The following SKIL variants were observed in gnomAD, a reference collection of about 807,000 sequenced individuals.
SKIL encodes the protein ski-like protein.
In SKIL, 20 loss-of-function variants were observed where a neutral mutation model predicts 69.6. The ratio of observed to expected loss-of-function variants is 0.29; its 90% CI spans 0.20 to 0.42. The LOEUF (loss-of-function observed/expected upper bound fraction) is 0.42, where lower values mean the gene tolerates loss of function less well. Ranked by LOEUF, SKIL falls within the 10% of genes least tolerant of loss-of-function variation. The probability of loss-of-function intolerance (pLI) is 1.00; values close to 1 mark genes in which losing one functional copy is unlikely to be tolerated. For synonymous variants in SKIL, 310 were observed against 279.9 expected (o/e 1.11, Z -1.08); for missense variants, 745 against 783.1 (o/e 0.95, Z 0.58).
intron 2 of SKIL, among the ~76,000 whole-genome samples, chr3:170,378,508 A>G (rs1737148864): frequency 6.7e-6 from 1 of 149,500 alleles, no homozygotes; most frequent in African/African-American, 2.5e-5. Context: ...CAGCTTTGCT[A>G]CTTTCCTAAT....
At chr3:170,367,955 C>A (rs1222912254) in intron 2 of SKIL, among the ~76,000 whole-genome samples, 1 of 152,074 alleles carries the variant, frequency 6.6e-6, no homozygotes, top group Non-Finnish European at 1.5e-5. Flanking sequence ...TTTAATTTTG[C>A]ATTTTCGTTT....
chr3:170,386,372 C>T (rs928445322), intron 4 of SKIL, among the ~76,000 whole-genome samples: 8 of 151,926 alleles, frequency 5.3e-5, no homozygotes, highest in Non-Finnish European at 1.0e-4. Context: ...TCAGGTGATC[C>T]GCCTGCCTCG....
chr3:170,374,683 A>G (rs1411241655), intron 2 of SKIL, among the ~76,000 whole-genome samples: 3 of 152,208 alleles, frequency 2.0e-5, no homozygotes, highest in Non-Finnish European at 4.4e-5. Context: ...TTGTTGTATC[A>G]TAAACATTGT....
In SKIL at chr3:170,361,251, C is replaced by T; in HGVS notation, c.920C>T (p.Ser307Phe). 1 of 1,614,156 alleles carries T rather than the reference C, an allele frequency of 6.2e-7. No homozygotes were observed. The highest frequency in any genetic ancestry group is 8.5e-7 in the Non-Finnish European group (1 of 1,180,032). The change falls in exon 2 of 7, where the codon TCT (serine) becomes TTT (phenylalanine). Residue 307 changes from serine (S) to phenylalanine (F), a missense_variant. Transcript: ENST00000259119. ...MFAPQTFVMH[S>F]HRSPDKRTCH... ...GCACCCCAGACGTTTGTGATGCATT[C>T]TCACAGATCACCTGACAAAAGAACT...
chr3:170,381,652 C>T (rs1171223695), intron 3 of SKIL, among the ~76,000 whole-genome samples: 5 of 151,758 alleles, frequency 3.3e-5, no homozygotes, highest in Admixed American at 2.0e-4. Context: ...AGGCTGGTCT[C>T]GAACTCCTGA....
intron 2 of SKIL, among the ~76,000 whole-genome samples, chr3:170,373,712 CCT>C (rs1736892149): frequency 6.6e-6 from 1 of 151,896 alleles, no homozygotes; most frequent in Non-Finnish European, 1.5e-5. Flanking sequence ...TAGTGCAACC[CCT>C]GTCTCTACAA....
chr3:170,379,127 G>A (rs1284244106), intron 2 of SKIL, among the ~76,000 whole-genome samples: 1 of 151,040 alleles, frequency 6.6e-6, no homozygotes, highest in Admixed American at 6.6e-5. Flanking sequence ...CACCCTTCTC[G>A]TACCACCACG....
intron 1 of SKIL, chr3:170,358,756 A>C (rs1250918701): frequency 6.6e-6 from 1 of 152,098 alleles, no homozygotes; most frequent in African/African-American, 2.4e-5. Flanking sequence ...CTCTTCCTCC[A>C]TTTGCATTCT....
chr3:170,380,774 C>CTG (rs1737304097), intron 2 of SKIL, among the ~76,000 whole-genome samples: 1 of 152,096 alleles, frequency 6.6e-6, no homozygotes, highest in Non-Finnish European at 1.5e-5. Flanking sequence ...GTGGGTGTCT[C>CTG]TGAGTTTCAG....
rs139112574 is a variant in SKIL at position 170,368,608 on chromosome 3, A to G, written c.1098+7179A>G. Among the ~76,000 whole-genome samples the G allele has an allele frequency of 4.4e-3, 668 of 152,312 alleles. 3 individuals are homozygous for G. The highest frequency in any genetic ancestry group is 6.4e-3 in the Non-Finnish European group (437 of 68,018). On this transcript the variant is annotated intron_variant, in intron 2 of 6. Transcript: ENST00000259119. ...ATGTAGGATGGTATTTCAAACTACT[A>G]TTGAAATATTATGTATTTGAGGAGT... is the stretch of plus-strand genomic sequence containing the variant.
At chr3:170,364,183 G>A (rs911379559) in intron 2 of SKIL, among the ~76,000 whole-genome samples, 3 of 151,954 alleles carry the variant, frequency 2.0e-5, no homozygotes, top group African/African-American at 7.2e-5. Context: ...GAACTCCTGA[G>A]CTCAGGCAAT....
chr3:170,359,864 G>C lies in SKIL; in HGVS notation c.-468G>C, dbSNP rs1036924315. 5 of 153,464 alleles carry C rather than the reference G, an allele frequency of 3.3e-5. No individual in the cohort carries two copies. Among genetic ancestry groups the C allele is most frequent in the African/African-American group, 1.2e-4 (5 of 41,376 alleles). 9.5% of individuals were successfully genotyped at this position (153,464 alleles called of 1,614,324 possible). A position where few individuals can be genotyped will look rare whatever the true frequency, so the allele number is the denominator to read the frequency against. On this transcript the variant is annotated 5_prime_UTR_variant, in exon 2 of 7. Coordinates refer to ENST00000259119, the MANE Select transcript of SKIL (RefSeq NM_005414.5). The stretch of plus-strand genomic sequence containing the variant: ...AAATACTCCCTCTGCCCTCCTTTTT[G>C]GTTTCCTTGGTGGTAAAGATTAAAT...
Position 170,360,820 on chromosome 3 carries a change from G to A in SKIL, c.489G>A (p.Lys163=), listed in dbSNP as rs1215462420. 6.2e-7 allele frequency: 1 copy of A among 1,614,214 alleles called. No individual in the cohort carries two copies. The highest frequency in any genetic ancestry group is 2.2e-5 in the East Asian group (1 of 44,886). Residue 163 remains lysine (K), a synonymous_variant, in exon 2 of 7, where the codon AAG becomes AAA. Transcript: ENST00000259119. ...SISCFQVGGE[K]RLCLPQVLNS... is the part of the protein sequence containing the mutation. Reference sequence around the variant, plus strand: ...CTTGTTTTCAAGTTGGAGGAGAAAAGAGACTCTGTTTGCCCCAAGTCTTAA... The same window carrying A: ...CTTGTTTTCAAGTTGGAGGAGAAAAAAGACTCTGTTTGCCCCAAGTCTTAA...
Position 170,360,318 on chromosome 3 carries a change from C to G in SKIL, c.-14C>G. Reference sequence around the variant, plus strand: ...GCTAATCTCAGACTTAATTATTTAACAGAAGAGTGTACCATGGAAAACCTC... The same window carrying G: ...GCTAATCTCAGACTTAATTATTTAAGAGAAGAGTGTACCATGGAAAACCTC... On this transcript the variant is annotated 5_prime_UTR_variant, in exon 2 of 7. Coordinates refer to ENST00000259119, the MANE Select transcript of SKIL (RefSeq NM_005414.5). The G allele has an allele frequency of 6.6e-7, 1 of 1,526,634 alleles. No homozygotes were observed. Among genetic ancestry groups the G allele is most frequent in the Non-Finnish European group, 8.8e-7 (1 of 1,142,154 alleles). The allele number at this position is 1,526,634 out of a possible 1,614,324, so 94.6% of individuals were successfully genotyped here.
In SKIL at chr3:170,361,434, GTTTT is replaced by G; in HGVS notation, c.1098+8_1098+11del. The G allele has an allele frequency of 6.5e-7, 1 of 1,542,194 alleles. No individual in the cohort carries two copies. Among genetic ancestry groups the G allele is most frequent in the Non-Finnish European group, 8.7e-7 (1 of 1,148,638 alleles). On this transcript the variant is annotated splice_donor_region_variant and intron_variant, in intron 2 of 6. Coordinates refer to ENST00000259119, the MANE Select transcript of SKIL (RefSeq NM_005414.5). ...GGAAAGAGAAATCAATCCAAGGCAA[GTTTT>G]TTATATCAATTTTTAATAATGGTAA...
At chr3:170,370,702 T>C (rs1436034467) in intron 2 of SKIL, among the ~76,000 whole-genome samples, 2 of 152,156 alleles carry the variant, frequency 1.3e-5, no homozygotes, top group East Asian at 3.8e-4. Context: ...TTTGCATTTT[T>C]TATGGGAACA....
At chr3:170,371,022 A>T (rs1469338390) in intron 2 of SKIL, among the ~76,000 whole-genome samples, 3 of 152,200 alleles carry the variant, frequency 2.0e-5, no homozygotes, top group Non-Finnish European at 4.4e-5. Context: ...TCTATGTTAA[A>T]TTTTTTTGTG....
At chr3:170,387,048 A>C (rs1240765198) in intron 4 of SKIL, among the ~76,000 whole-genome samples, 1 of 150,774 alleles carries the variant, frequency 6.6e-6, no homozygotes, top group Non-Finnish European at 1.5e-5. Context: ...ATGGAGTTTC[A>C]CTCTTGTCGC....
At chr3:170,364,075 C>T (rs1003404447) in intron 2 of SKIL, among the ~76,000 whole-genome samples, 22 of 152,130 alleles carry the variant, frequency 1.4e-4, no homozygotes, top group African/African-American at 5.3e-4. Flanking sequence ...CTCAGTCTTC[C>T]GAGTAGCTGG....
Sources: allele counts gnomAD v4.1 joint callset (sites outside exome capture counted in the v4.1 genomes callset), GRCh38; gene constraint gnomAD v4.1.1; transcripts MANE v1.5; gene names NCBI Gene and HGNC (gene_info 2026-07-23, HGNC 2026-07-21).